Variants in ATF6 observed in about 807,000 individuals in gnomAD.
ATF6 encodes cyclic AMP-dependent transcription factor ATF-6 alpha.
ATF6 carries 53 observed loss-of-function variants against 83.6 expected under a neutral mutation model. The ratio of observed to expected loss-of-function variants is 0.63; its 90% CI spans 0.51 to 0.80. ATF6 has a LOEUF of 0.80. ATF6 is among the 30% of genes least tolerant of loss of function. The pLI is 0.00. For missense variants in ATF6, 744 were observed against 797.9 expected (o/e 0.93, Z 0.81); for synonymous variants, 288 against 285.8 (o/e 1.01, Z -0.08).
chr1:161,956,976 C>A (rs1688978604), intron 15 of ATF6, among the ~76,000 whole-genome samples: 1 of 152,070 alleles, frequency 6.6e-6, no homozygotes, highest in Non-Finnish European at 1.5e-5. Context: ...CTTACAGACT[C>A]CCTGAAGTCT....
intron 15 of ATF6, among the ~76,000 whole-genome samples, chr1:161,942,939 T>C (rs112401004): frequency 0.013 from 1,958 of 152,296 alleles, 15 homozygotes; most frequent in South Asian, 0.017. Context: ...CACTGCAACC[T>C]CCGCCTCCAG....
At chr1:161,920,750 T>C (rs111652405) in intron 15 of ATF6, among the ~76,000 whole-genome samples, 51 of 152,232 alleles carry the variant, frequency 3.4e-4, no homozygotes, top group Non-Finnish European at 6.2e-4. Flanking sequence ...ACAAAGTGAC[T>C]GTTGCAGTTC....
At chr1:161,886,051 T>C (rs1687412436) in intron 14 of ATF6, among the ~76,000 whole-genome samples, 1 of 152,016 alleles carries the variant, frequency 6.6e-6, no homozygotes, top group South Asian at 2.1e-4. Context: ...AAGGAGGAGG[T>C]AGTATCAAAT....
chr1:161,866,635 T>C (rs959406088), intron 14 of ATF6, among the ~76,000 whole-genome samples: 1 of 152,216 alleles, frequency 6.6e-6, no homozygotes, highest in African/African-American at 2.4e-5. Flanking sequence ...TTAGTATGAT[T>C]TGGAGAGGGA....
chr1:161,872,035 G>C (rs904839848), intron 14 of ATF6, among the ~76,000 whole-genome samples: 1 of 151,556 alleles, frequency 6.6e-6, no homozygotes, highest in Non-Finnish European at 1.5e-5. Flanking sequence ...TTTTTGAATA[G>C]CTGGCAGTTT....
At chr1:161,859,080 G>A (rs1571195645) in intron 12 of ATF6, among the ~76,000 whole-genome samples, 1 of 152,036 alleles carries the variant, frequency 6.6e-6, no homozygotes, top group Non-Finnish European at 1.5e-5. Context: ...AGTAAGTATA[G>A]TATTTTATTA....
intron 13 of ATF6, 133 bp from the exon 14 acceptor site, chr1:161,863,065 T>C: frequency 1.9e-6 from 1 of 524,680 alleles, no homozygotes; most frequent in Non-Finnish European, 3.4e-6. Context: ...TTATAAAAAT[T>C]ACTGCCAAAG....
At chr1:161,789,232 AAT>A (rs931726327) in intron 4 of ATF6, among the ~76,000 whole-genome samples, 3 of 147,618 alleles carry the variant, frequency 2.0e-5, no homozygotes, top group African/African-American at 7.6e-5. Flanking sequence ...GCTATTAAAT[AAT>A]ATGTCTTATT....
chr1:161,897,023 A>G (rs1687689156), intron 14 of ATF6, among the ~76,000 whole-genome samples: 2 of 152,270 alleles, frequency 1.3e-5, no homozygotes, highest in Non-Finnish European at 2.9e-5. Flanking sequence ...GCAAACCAGT[A>G]AAATTTCAAC....
intron 15 of ATF6, among the ~76,000 whole-genome samples, chr1:161,937,547 T>A (rs919056966): frequency 6.6e-6 from 1 of 151,980 alleles, no homozygotes; most frequent in Non-Finnish European, 1.5e-5. Flanking sequence ...AGAGCCCTCA[T>A]GAATGGAATT....
At chr1:161,936,405 G>C (rs1688537571) in intron 15 of ATF6, among the ~76,000 whole-genome samples, 1 of 152,106 alleles carries the variant, frequency 6.6e-6, no homozygotes, top group African/African-American at 2.4e-5. Context: ...ATTACATCAT[G>C]AAGAATGCAG....
chr1:161,774,891 C>T (rs1684478958), intron 1 of ATF6, among the ~76,000 whole-genome samples: 1 of 152,142 alleles, frequency 6.6e-6, no homozygotes, highest in Non-Finnish European at 1.5e-5. Context: ...TTAGTCTTTT[C>T]CTGTCTCTAA....
At chr1:161,945,071 C>T (rs1018147646) in intron 15 of ATF6, among the ~76,000 whole-genome samples, 8 of 152,184 alleles carry the variant, frequency 5.3e-5, no homozygotes, top group South Asian at 2.1e-4. Context: ...GAGGCACCGT[C>T]CTAAGCTCCT....
chr1:161,787,987 G>C (rs1412574175), intron 4 of ATF6, among the ~76,000 whole-genome samples: 1 of 152,122 alleles, frequency 6.6e-6, no homozygotes, highest in Non-Finnish European at 1.5e-5. Flanking sequence ...CAACATTCAA[G>C]TATGCATTCA....
intron 10 of ATF6, among the ~76,000 whole-genome samples, chr1:161,848,971 G>A (rs1258285357): frequency 6.7e-6 from 1 of 149,762 alleles, no homozygotes; most frequent in Non-Finnish European, 1.5e-5. Flanking sequence ...TTGGCTGATA[G>A]AACAAAGCCA....
At chr1:161,915,532 A>G (rs916398202) in intron 15 of ATF6, among the ~76,000 whole-genome samples, 2 of 152,194 alleles carry the variant, frequency 1.3e-5, no homozygotes, top group South Asian at 2.1e-4. Flanking sequence ...CACTTCTCAC[A>G]GTGCTCAAAG....
chr1:161,942,817 T>G (rs1469708545), intron 15 of ATF6, among the ~76,000 whole-genome samples: 2 of 152,156 alleles, frequency 1.3e-5, no homozygotes, highest in Non-Finnish European at 2.9e-5. Flanking sequence ...GTGATATGGT[T>G]TGGCTATGTC....
At chr1:161,812,784 C>CTGTGTGTGTGTG (rs4040222) in intron 7 of ATF6, among the ~76,000 whole-genome samples, 116 of 145,444 alleles carry the variant, frequency 8.0e-4, no homozygotes, top group African/African-American at 2.8e-3. Context: ...TTTGCCTCCT[C>CTGTGTGTGTGTG]TGTGTGTGTG....
chr1:161,867,201 G>A (rs1006998122), intron 14 of ATF6, among the ~76,000 whole-genome samples: 5 of 151,910 alleles, frequency 3.3e-5, no homozygotes, highest in African/African-American at 7.3e-5. Context: ...AGGCTGAGGC[G>A]GGAGAATGGC....
Sources: allele counts gnomAD v4.1 joint callset (sites outside exome capture counted in the v4.1 genomes callset), GRCh38; gene constraint gnomAD v4.1.1; transcripts MANE v1.5; gene names NCBI Gene and HGNC (gene_info 2026-07-23, HGNC 2026-07-21).